Variants in APLF observed in about 807,000 individuals in gnomAD.
The protein encoded by APLF is aprataxin and PNK-like factor.
APLF carries 61 observed loss-of-function variants against 55.6 expected under a neutral mutation model. The ratio of observed to expected loss-of-function variants is 1.10; its 90% CI spans 0.89 to 1.36. The LOEUF is 1.36. Among genes scored for constraint, APLF ranks in the 40% most tolerant of loss-of-function variants. The pLI, the probability that APLF is intolerant of heterozygous loss-of-function variation, is 0.00. For missense variants in APLF, 611 were observed against 602.5 expected, an observed-to-expected ratio of 1.01 and a Z score of -0.15; for synonymous variants, 207 against 214.8, an observed-to-expected ratio of 0.96 and a Z score of 0.32.
At position 68,505,298 on chromosome 2, in the gene APLF, A is replaced by G. The variant is rs113165950; in HGVS notation, c.341+2395A>G. On this transcript the variant is annotated intron_variant, in intron 3 of 9. Coordinates refer to ENST00000303795, the MANE Select transcript of APLF (RefSeq NM_173545.3). ...TACATACTTTTTTCAAAAATTAGGA[A>G]AATGTGCATCCTTATGAAACACAAT... 7.8e-3 allele frequency among the ~76,000 whole-genome samples: 1,187 copies of G among 152,172 alleles called. 15 individuals are homozygous for G. Among genetic ancestry groups the G allele is most frequent in the African/African-American group, 0.027 (1,133 of 41,560 alleles).
At chr2:68,558,875 C>T (rs1671089772) in intron 8 of APLF, among the ~76,000 whole-genome samples, 1 of 152,014 alleles carries the variant, frequency 6.6e-6, no homozygotes, top group African/African-American at 2.4e-5. Flanking sequence ...TTGTTCAGCT[C>T]CCACTTGTAA....
intron 5 of APLF, among the ~76,000 whole-genome samples, chr2:68,522,699 C>T (rs1328014553): frequency 6.6e-6 from 1 of 151,750 alleles, no homozygotes; most frequent in South Asian, 2.1e-4. Context: ...CACCCAGAAA[C>T]AGATAAGAAA....
intron 8 of APLF, among the ~76,000 whole-genome samples, chr2:68,546,640 A>AAT (rs1021604122): frequency 2.6e-5 from 4 of 151,874 alleles, no homozygotes; most frequent in Non-Finnish European, 1.5e-5. Flanking sequence ...ATGTCATCAG[A>AAT]ATAAGTAGAA....
chr2:68,472,519 A>T (rs1675651876), intron 1 of APLF, among the ~76,000 whole-genome samples: 1 of 152,140 alleles, frequency 6.6e-6, no homozygotes, highest in African/African-American at 2.4e-5. Flanking sequence ...GATAAAAAAA[A>T]ATAATAATCA....
At chr2:68,561,517 A>G (rs1671166746) in intron 8 of APLF, among the ~76,000 whole-genome samples, 1 of 152,102 alleles carries the variant, frequency 6.6e-6, no homozygotes. Flanking sequence ...GACTAGAGCT[A>G]AGTGTCTTAC....
intron 6 of APLF, among the ~76,000 whole-genome samples, chr2:68,527,101 G>T (rs6752230): frequency 0.084 from 12,707 of 151,536 alleles, 1,465 homozygotes; most frequent in African/African-American, 0.27. Flanking sequence ...CGGTGCAGGG[G>T]CTGGGCAGAG....
At chr2:68,488,034 G>A (rs1054650271) in intron 1 of APLF, among the ~76,000 whole-genome samples, 2 of 152,062 alleles carry the variant, frequency 1.3e-5, no homozygotes, top group African/African-American at 2.4e-5. Flanking sequence ...TTCAAAGAAA[G>A]ACAGAGATAG....
At chr2:68,509,732 G>A (rs1165291919) in intron 3 of APLF, among the ~76,000 whole-genome samples, 1 of 152,062 alleles carries the variant, frequency 6.6e-6, no homozygotes, top group African/African-American at 2.4e-5. Context: ...ATACTCAAAG[G>A]AATATAACTC....
chr2:68,499,647 T>C (rs1218464457), intron 2 of APLF, among the ~76,000 whole-genome samples: 1 of 152,156 alleles, frequency 6.6e-6, no homozygotes. Context: ...GAGACCAGCC[T>C]GGCCAATGTG....
chr2:68,478,694 T>A (rs1268754844), intron 1 of APLF, among the ~76,000 whole-genome samples: 2 of 152,140 alleles, frequency 1.3e-5, no homozygotes, highest in African/African-American at 2.4e-5. Context: ...ACAGGTTTTT[T>A]AATGTAGATC....
chr2:68,502,445 G>A (rs778958799), intron 2 of APLF, among the ~76,000 whole-genome samples: 1 of 151,984 alleles, frequency 6.6e-6, no homozygotes, highest in Non-Finnish European at 1.5e-5. Context: ...AAGCAAAATA[G>A]AAGACTCTTT....
chr2:68,503,140 G>A (rs1018886146), intron 3 of APLF, among the ~76,000 whole-genome samples: 3 of 152,088 alleles, frequency 2.0e-5, no homozygotes, highest in Non-Finnish European at 4.4e-5. Flanking sequence ...TGCGTTGATA[G>A]CAGTTGCTCC....
chr2:68,518,451 T>TAATATATAATAA (rs1326083479), intron 5 of APLF, among the ~76,000 whole-genome samples: 1 of 113,538 alleles, frequency 8.8e-6, no homozygotes, highest in African/African-American at 3.6e-5. Context: ...TAATAATATA[T>TAATATATAATAA]TATATATTAT....
intron 6 of APLF, chr2:68,531,569 G>A (rs1010038463): frequency 1.3e-5 from 2 of 152,184 alleles, no homozygotes; most frequent in African/African-American, 2.4e-5. Context: ...ACTTATGGAG[G>A]CAAGCTTAAT....
At chr2:68,478,868 A>G (rs1675865413) in intron 1 of APLF, among the ~76,000 whole-genome samples, 1 of 152,222 alleles carries the variant, frequency 6.6e-6, no homozygotes, top group African/African-American at 2.4e-5. Context: ...CAAAGGTGCT[A>G]ACCCCTGAGA....
intron 1 of APLF, among the ~76,000 whole-genome samples, chr2:68,483,489 A>T (rs773556135): frequency 1.3e-5 from 2 of 152,166 alleles, no homozygotes; most frequent in Admixed American, 1.3e-4. Flanking sequence ...TTTCCCTCAG[A>T]CAATCCAGTT....
chr2:68,499,024 A>G (rs1676641118), intron 2 of APLF, among the ~76,000 whole-genome samples: 1 of 151,918 alleles, frequency 6.6e-6, no homozygotes, highest in Non-Finnish European at 1.5e-5. Context: ...TAAAAAAAAA[A>G]GCTTTCCAAA....
At chr2:68,558,453 T>C (rs1452334850) in intron 8 of APLF, among the ~76,000 whole-genome samples, 5 of 152,210 alleles carry the variant, frequency 3.3e-5, no homozygotes. Context: ...TAATGTGGGA[T>C]TTATGGTTTT....
chr2:68,527,899 G>A (rs1449325721), intron 6 of APLF, among the ~76,000 whole-genome samples: 2 of 150,306 alleles, frequency 1.3e-5, no homozygotes, highest in Non-Finnish European at 3.0e-5. Flanking sequence ...CCCAGACAGG[G>A]TGGCGGCCTT....
Sources: allele counts gnomAD v4.1 joint callset (sites outside exome capture counted in the v4.1 genomes callset), GRCh38; gene constraint gnomAD v4.1.1; transcripts MANE v1.5; gene names NCBI Gene and HGNC (gene_info 2026-07-23, HGNC 2026-07-21).